Variants in AFAP1 observed in about 807,000 individuals in gnomAD.
AFAP1 encodes actin filament-associated protein 1.
A neutral mutation model predicts 93.9 loss-of-function variants in AFAP1; 75 were observed. That is an observed-to-expected ratio of 0.80 (90% CI 0.66 to 0.97). The LOEUF is 0.97. Ranked by LOEUF, AFAP1 falls within the 50% of genes least tolerant of loss-of-function variation. The pLI, the probability that AFAP1 is intolerant of heterozygous loss-of-function variation, is 0.00. For synonymous variants in AFAP1, 517 were observed against 430.7 expected (o/e 1.20, Z -2.48); for missense variants, 1,201 against 1,050.8 (o/e 1.14, Z -1.98).
chr4:7,866,567 A>C (rs1716421646), intron 3 of AFAP1, among the ~76,000 whole-genome samples: 1 of 152,220 alleles, frequency 6.6e-6, no homozygotes, highest in Non-Finnish European at 1.5e-5. Context: ...ATGTGATGAA[A>C]TATAAGACCC....
intron 1 of AFAP1, among the ~76,000 whole-genome samples, chr4:7,918,763 CA>C (rs1720253971): frequency 8.5e-6 from 1 of 117,254 alleles, no homozygotes; most frequent in Non-Finnish European, 1.7e-5. Flanking sequence ...ACAGGGCTGC[CA>C]GAAGAGACAC....
intron 8 of AFAP1, among the ~76,000 whole-genome samples, chr4:7,814,871 T>C (rs572734173): frequency 6.6e-6 from 1 of 152,088 alleles, no homozygotes; most frequent in Non-Finnish European, 1.5e-5. Context: ...ACCAACAGTA[T>C]GGCAAACAGG....
intron 9 of AFAP1, among the ~76,000 whole-genome samples, chr4:7,805,255 T>C (rs1170596103): frequency 1.3e-5 from 2 of 152,128 alleles, no homozygotes; most frequent in Non-Finnish European, 2.9e-5. Flanking sequence ...TATCTAGCTT[T>C]CCTGAATATC....
Position 7,765,073 on chromosome 4 carries a change from G to T in AFAP1, c.2419-1282C>A, listed in dbSNP as rs530052752. Among the ~76,000 whole-genome samples the T allele has an allele frequency of 3.3e-5, 5 of 152,170 alleles. No homozygotes were observed. The South Asian group carries it at 1.0e-3, about 32-fold the overall frequency. On this transcript the variant is annotated intron_variant, in intron 17 of 17. Coordinates refer to ENST00000420658, the MANE Select transcript of AFAP1 (RefSeq NM_001134647.2). ...GTAAGCCATGATCGCCACTGCACTC[G>T]AGCGTGGTCAACAGAGCAAGACCCT... is the stretch of plus-strand genomic sequence containing the variant.
chr4:7,812,497 G>C (rs1720135883), intron 8 of AFAP1, among the ~76,000 whole-genome samples: 1 of 152,100 alleles, frequency 6.6e-6, no homozygotes, highest in African/African-American at 2.4e-5. Flanking sequence ...CAAGTATATG[G>C]GAACATGAGG....
chr4:7,774,449 T>C, intron 15 of AFAP1: 1 of 394,554 alleles, frequency 2.5e-6, no homozygotes, highest in Non-Finnish European at 4.5e-6. Context: ...CAATCTCTGT[T>C]GTCAGCGCCA....
chr4:7,852,850 GC>G (rs1714609309), intron 4 of AFAP1, among the ~76,000 whole-genome samples: 1 of 152,050 alleles, frequency 6.6e-6, no homozygotes, highest in Non-Finnish European at 1.5e-5. Flanking sequence ...CATAAGAAGG[GC>G]TAACAGGAGT....
chr4:7,843,401 T>C, intron 4 of AFAP1, 51 bp from the exon 5 acceptor site: 1 of 1,514,858 alleles, frequency 6.6e-7, no homozygotes, highest in African/African-American at 1.4e-5. Flanking sequence ...ACCTTGAAGT[T>C]TACCCGTGGG....
intron 1 of AFAP1, among the ~76,000 whole-genome samples, chr4:7,905,268 A>G (rs1300229308): frequency 6.6e-6 from 1 of 152,238 alleles, no homozygotes; most frequent in Non-Finnish European, 1.5e-5. Context: ...ACAGGCAGAA[A>G]CCAGGGGCCA....
intron 1 of AFAP1, among the ~76,000 whole-genome samples, chr4:7,898,847 T>C (rs563605901): frequency 1.1e-5 from 1 of 91,388 alleles, no homozygotes; most frequent in East Asian, 3.6e-4. Context: ...GTCTATTTCA[T>C]ATATATGTAT....
rs1177768724 is a variant in AFAP1, at chr4:7,849,147, C to T, written c.335-5797G>A. 5.9e-5 allele frequency among the ~76,000 whole-genome samples: 9 copies of T among 152,178 alleles called. No individual in the cohort carries two copies. In the South Asian group the frequency reaches 8.3e-4, roughly 14 times the overall value. ...GAGCGCCACGCAGACCCTGCCTTTT[C>T]GTTTCAATGCACTGGCTTTGCTGAG... is the stretch of plus-strand genomic sequence containing the variant. On this transcript the variant is annotated intron_variant, in intron 4 of 17. Coordinates refer to ENST00000420658, the MANE Select transcript of AFAP1 (RefSeq NM_001134647.2).
chr4:7,879,339 G>C (rs1242561565), intron 1 of AFAP1, among the ~76,000 whole-genome samples: 1 of 152,206 alleles, frequency 6.6e-6, no homozygotes, highest in Non-Finnish European at 1.5e-5. Flanking sequence ...CAAATGAACA[G>C]AGGTGATGTG....
intron 3 of AFAP1, among the ~76,000 whole-genome samples, chr4:7,865,239 C>T (rs1339438328): frequency 6.6e-6 from 1 of 152,128 alleles, no homozygotes; most frequent in African/African-American, 2.4e-5. Flanking sequence ...TTAAGCATGG[C>T]TTAGGTGTCC....
At chr4:7,802,694 G>C (rs896575396) in intron 9 of AFAP1, among the ~76,000 whole-genome samples, 1 of 147,358 alleles carries the variant, frequency 6.8e-6, no homozygotes, top group Non-Finnish European at 1.5e-5. Context: ...CAGGCTGGCA[G>C]GCTGGAGTGC....
At chr4:7,779,884 C>T (rs968970610) in intron 13 of AFAP1, among the ~76,000 whole-genome samples, 12 of 152,094 alleles carry the variant, frequency 7.9e-5, no homozygotes, top group Admixed American at 1.3e-4. Context: ...CAAATGAGGA[C>T]AGGAAACCCA....
intron 15 of AFAP1, chr4:7,773,380 C>T (rs1378010972): frequency 4.8e-6 from 1 of 207,216 alleles, no homozygotes; most frequent in Non-Finnish European, 9.7e-6. Context: ...AACGCTCCGC[C>T]GATCCTTCAG....
chr4:7,844,511 C>G (rs1301857422), intron 4 of AFAP1, among the ~76,000 whole-genome samples: 4 of 152,178 alleles, frequency 2.6e-5, no homozygotes, highest in Non-Finnish European at 1.5e-5. Flanking sequence ...TGAGCCTCCA[C>G]ACGGCCCAAC....
At chr4:7,913,464 C>T (rs1190587098) in intron 1 of AFAP1, among the ~76,000 whole-genome samples, 2 of 150,994 alleles carry the variant, frequency 1.3e-5, no homozygotes, top group African/African-American at 4.9e-5. Context: ...ACTTTAATTA[C>T]AATTATATAA....
intron 5 of AFAP1, among the ~76,000 whole-genome samples, chr4:7,839,597 A>G (rs1459675695): frequency 6.6e-6 from 1 of 152,224 alleles, no homozygotes; most frequent in Non-Finnish European, 1.5e-5. Flanking sequence ...TTTTAGTAAG[A>G]GGATAACAGC....
Sources: allele counts gnomAD v4.1 joint callset (sites outside exome capture counted in the v4.1 genomes callset), GRCh38; gene constraint gnomAD v4.1.1; transcripts MANE v1.5; gene names NCBI Gene and HGNC (gene_info 2026-07-23, HGNC 2026-07-21).